PROM1: variants seen among roughly 807,000 people sequenced by gnomAD.
The protein encoded by PROM1 is prominin-1.
A neutral mutation model predicts 116.9 loss-of-function variants in PROM1; 105 were observed. The ratio of observed to expected loss-of-function variants is 0.90; its 90% CI spans 0.77 to 1.06. The LOEUF (loss-of-function observed/expected upper bound fraction) is 1.06, where lower values mean the gene tolerates loss of function less well. Among genes scored for constraint, PROM1 ranks in the 50% least tolerant of loss-of-function variants. The pLI, the probability that PROM1 is intolerant of heterozygous loss-of-function variation, is 0.00. For synonymous variants in PROM1, 393 were observed against 387.0 expected, an observed-to-expected ratio of 1.02 and a Z score of -0.18; for missense variants, 1,122 against 1,045.2, an observed-to-expected ratio of 1.07 and a Z score of -1.01.
chr4:16,017,045 T>C (rs748879709), intron 9 of PROM1, among the ~76,000 whole-genome samples: 8 of 152,158 alleles, frequency 5.3e-5, no homozygotes, highest in Non-Finnish European at 1.0e-4. Flanking sequence ...TTATCCTAAT[T>C]TTGATCATTA....
intron 1 of PROM1, among the ~76,000 whole-genome samples, chr4:16,083,024 T>G (rs1295200131): frequency 6.6e-6 from 1 of 151,756 alleles, no homozygotes; most frequent in African/African-American, 2.4e-5. Flanking sequence ...GGGAAGGTGC[T>G]TCAAGCCAGG....
At chr4:16,025,443 T>A in intron 5 of PROM1, 131 bp from the exon 6 acceptor site, 1 of 1,141,750 alleles carries the variant, frequency 8.8e-7, no homozygotes, top group Non-Finnish European at 1.2e-6. Context: ...CCCGCTGCCC[T>A]CTCCTCCCAC....
intron 18 of PROM1, 57 bp from the exon 19 acceptor site, chr4:15,989,881 T>A: frequency 7.2e-7 from 1 of 1,386,932 alleles, no homozygotes; most frequent in Admixed American, 2.0e-5. Context: ...CAAAGCACTC[T>A]CGCTATCCTC....
chr4:16,077,903 C>T (rs1408281801), intron 1 of PROM1, among the ~76,000 whole-genome samples: 2 of 152,198 alleles, frequency 1.3e-5, no homozygotes, highest in Non-Finnish European at 2.9e-5. Context: ...TCCACCTCAC[C>T]CCGAATCCAA....
At chr4:16,061,888 C>CTTTTT (rs34310500) in intron 2 of PROM1, among the ~76,000 whole-genome samples, 1 of 85,732 alleles carries the variant, frequency 1.2e-5, no homozygotes, top group Non-Finnish European at 2.3e-5. Flanking sequence ...TACAAATTTC[C>CTTTTT]TTTTTTTTTT....
At chr4:16,001,202 G>A (rs73798803) in intron 13 of PROM1, among the ~76,000 whole-genome samples, 38 of 152,196 alleles carry the variant, frequency 2.5e-4, no homozygotes, top group African/African-American at 8.2e-4. Context: ...AGCAGGACTC[G>A]GAAAGCGCTG....
chr4:16,017,998 C>T (rs527491586), intron 9 of PROM1, among the ~76,000 whole-genome samples: 1 of 117,050 alleles, frequency 8.5e-6, no homozygotes, highest in African/African-American at 3.3e-5. Flanking sequence ...GGCTAATAGA[C>T]TAGGCACATA....
intron 15 of PROM1, among the ~76,000 whole-genome samples, chr4:15,995,925 A>T (rs561859072): frequency 6.6e-6 from 1 of 152,328 alleles, no homozygotes; most frequent in African/African-American, 2.4e-5. Flanking sequence ...CCAGAGTCTA[A>T]TTCAATTTTG....
chr4:16,072,173 C>G (rs1226153163), intron 2 of PROM1, among the ~76,000 whole-genome samples: 1 of 152,022 alleles, frequency 6.6e-6, no homozygotes, highest in African/African-American at 2.4e-5. Flanking sequence ...GTCTCAAGTC[C>G]CAGCTGAATA....
At chr4:15,998,271 T>C in intron 15 of PROM1, 114 bp downstream of exon 15, 2 of 1,396,150 alleles carry the variant, frequency 1.4e-6, no homozygotes, top group Non-Finnish European at 1.9e-6. Flanking sequence ...GGACAGCTTA[T>C]CTCTGAAACA....
At chr4:16,052,215 TGAA>T (rs1738047035) in intron 2 of PROM1, among the ~76,000 whole-genome samples, 1 of 152,186 alleles carries the variant, frequency 6.6e-6, no homozygotes, top group African/African-American at 2.4e-5. Flanking sequence ...CCTTGGCAAC[TGAA>T]GAAGTACCCA....
At chr4:16,024,771 T>C (rs905086178) in intron 6 of PROM1, among the ~76,000 whole-genome samples, 2 of 152,182 alleles carry the variant, frequency 1.3e-5, no homozygotes, top group Non-Finnish European at 2.9e-5. Flanking sequence ...TCGATATATC[T>C]ATGCAGACAT....
At chr4:16,043,578 G>C (rs902561273) in intron 2 of PROM1, among the ~76,000 whole-genome samples, 2 of 152,242 alleles carry the variant, frequency 1.3e-5, no homozygotes, top group Non-Finnish European at 2.9e-5. Context: ...CGCAAGGCAA[G>C]AGACTGAGAA....
rs1179409810 is a variant in PROM1, at chr4:15,991,258, T to C, written c.1947A>G (p.Ser649=). The C allele has an allele frequency of 1.2e-6, 2 of 1,607,374 alleles. No homozygotes were observed. The highest frequency in any genetic ancestry group is 1.3e-5 in the African/African-American group (1 of 74,558). ...GKSPAGVNLL[S]FAYDLEAKAN... ...CTTTTGCTTCTAGATCATATGCAAA[T>C]GATAAAAGATTCACTCCTGCGGGGG... Residue 649 remains serine (S), a synonymous_variant, in exon 18 of 28, where the codon TCA becomes TCG. Coordinates refer to ENST00000447510, the MANE Select transcript of PROM1 (RefSeq NM_006017.3).
rs758752833 is a variant in PROM1 at position 16,033,457 on chromosome 4, A to C, written c.356T>G (p.Phe119Cys). 6 of 1,613,298 alleles carry C rather than the reference A, an allele frequency of 3.7e-6. No individual in the cohort carries two copies. Among genetic ancestry groups the C allele is most frequent in the Non-Finnish European group, 5.1e-6 (6 of 1,179,528 alleles). Residue 119 changes from phenylalanine to cysteine, a missense_variant, in exon 5 of 28, where the codon TTT becomes TGT. Transcript: ENST00000447510. ...IILCCVLGLL[F>C]IILMPLVGYF... ...CCCCACCAGAGGCATCAGAATAATA[A>C]ACAGCAGCCCCAGGACACAGCATAG...
intron 18 of PROM1, among the ~76,000 whole-genome samples, chr4:15,990,696 C>T (rs942746725): frequency 1.3e-5 from 2 of 152,082 alleles, no homozygotes; most frequent in South Asian, 2.1e-4. Context: ...TGAAGACTGG[C>T]GGAAACCAGA....
chr4:15,972,678 A>G (rs1273664845), intron 26 of PROM1, among the ~76,000 whole-genome samples: 1 of 152,200 alleles, frequency 6.6e-6, no homozygotes, highest in Non-Finnish European at 1.5e-5. Context: ...GTGAGACCAT[A>G]ACTGGAGGAT....
At chr4:16,023,265 C>A (rs186314293) in intron 8 of PROM1, 61 bp downstream of exon 8, 2 of 1,406,298 alleles carry the variant, frequency 1.4e-6, no homozygotes, top group Non-Finnish European at 2.0e-6. Context: ...AGTGAGCAAG[C>A]CTGCCAAGCC....
chr4:16,024,475 C>G, intron 6 of PROM1, 117 bp from the exon 7 acceptor site: 1 of 793,310 alleles, frequency 1.3e-6, no homozygotes, highest in Non-Finnish European at 1.9e-6. Context: ...AGGTAACCAG[C>G]AAGTTCCTAG....
Sources: gnomAD v4.1 joint callset for allele counts (sites outside exome capture counted in the v4.1 genomes callset) on GRCh38, gnomAD v4.1.1 for gene constraint, MANE v1.5 for transcripts, NCBI Gene and HGNC (gene_info 2026-07-23, HGNC 2026-07-21) for gene names.